The following HECW1 variants were observed in gnomAD, a reference collection of about 807,000 sequenced individuals.
HECW1 encodes the protein HECT, C2 and WW domain containing E3 ubiquitin protein ligase 1, also known as E3 ubiquitin-protein ligase HECW1.
Under a neutral mutation model 182.3 loss-of-function variants are expected in HECW1, and 61 were observed. That is an observed-to-expected ratio of 0.33 (90% CI 0.27 to 0.41). HECW1 has a LOEUF of 0.41. HECW1 is among the 10% of genes least tolerant of loss of function. The probability of loss-of-function intolerance (pLI) is 1.00; values close to 1 mark genes in which losing one functional copy is unlikely to be tolerated. For synonymous variants in HECW1, 859 were observed against 832.6 expected (o/e 1.03, Z -0.55); for missense variants, 1,739 against 2,108.9 (o/e 0.82, Z 3.44).
intron 19 of HECW1, among the ~76,000 whole-genome samples, chr7:43,494,350 C>T (rs1258448772): frequency 6.6e-6 from 1 of 152,104 alleles, no homozygotes; most frequent in Non-Finnish European, 1.5e-5. Context: ...AGGTGCTCAT[C>T]ATCTCTCTTC....
intron 2 of HECW1, among the ~76,000 whole-genome samples, chr7:43,127,206 C>G (rs6959872): frequency 0.011 from 1,717 of 152,246 alleles, 33 homozygotes; most frequent in African/African-American, 0.04. Context: ...AAGTGCTACT[C>G]CAATGAACTC....
intron 2 of HECW1, among the ~76,000 whole-genome samples, chr7:43,188,672 A>G (rs111435232): frequency 0.012 from 1,898 of 152,274 alleles, 34 homozygotes; most frequent in African/African-American, 0.042. Flanking sequence ...GGAGTTCAAT[A>G]AAAATTAAAT....
chr7:43,488,434 G>GAAAGAGAA (rs1554440499), intron 17 of HECW1, among the ~76,000 whole-genome samples: 3 of 93,082 alleles, frequency 3.2e-5, no homozygotes, highest in Non-Finnish European at 6.3e-5. Flanking sequence ...AAGAAAGAAA[G>GAAAGAGAA]AGAAAGAAAG....
intron 16 of HECW1, among the ~76,000 whole-genome samples, chr7:43,472,411 G>A (rs2078058768): frequency 6.6e-6 from 1 of 152,174 alleles, no homozygotes; most frequent in South Asian, 2.1e-4. Flanking sequence ...AGGATTTTAA[G>A]CTTTTTAAGA....
intron 2 of HECW1, among the ~76,000 whole-genome samples, chr7:43,195,206 AG>A (rs1293250824): frequency 3.9e-5 from 6 of 152,206 alleles, no homozygotes; most frequent in African/African-American, 1.4e-4. Flanking sequence ...CCAAGAAAAA[AG>A]AAAGAAGTGT....
intron 2 of HECW1, among the ~76,000 whole-genome samples, chr7:43,143,773 G>A (rs1180239279): frequency 6.6e-6 from 1 of 152,168 alleles, no homozygotes; most frequent in Non-Finnish European, 1.5e-5. Flanking sequence ...ACACTCACTG[G>A]GGAGACTGAG....
intron 5 of HECW1, among the ~76,000 whole-genome samples, chr7:43,357,953 G>T (rs977157522): frequency 3.3e-5 from 5 of 152,180 alleles, no homozygotes; most frequent in Non-Finnish European, 5.9e-5. Context: ...AGTGTTCCAT[G>T]AATTCTTGGC....
intron 3 of HECW1, among the ~76,000 whole-genome samples, chr7:43,302,950 T>TGCGCGTGCACACACAC (rs1584397379): frequency 3.3e-5 from 5 of 151,594 alleles, no homozygotes; most frequent in South Asian, 4.2e-4. Flanking sequence ...CACACACACA[T>TGCGCGTGCACACACAC]GCGCGCACAC....
At chr7:43,311,410 A>G (rs1414971494) in intron 3 of HECW1, among the ~76,000 whole-genome samples, 1 of 152,178 alleles carries the variant, frequency 6.6e-6, no homozygotes, top group Non-Finnish European at 1.5e-5. Flanking sequence ...GACGTTGGAG[A>G]ACTCGAGGGA....
rs145041977 is a variant in HECW1, at chr7:43,480,796, A to G, written c.3234+1052A>G. Among the ~76,000 whole-genome samples the G allele has an allele frequency of 1.7e-3, 265 of 152,178 alleles. 6 individuals are homozygous for G. In the East Asian group the frequency reaches 0.049, roughly 28 times the overall value. On this transcript the variant is annotated intron_variant, in intron 17 of 29. Coordinates refer to ENST00000395891, the MANE Select transcript of HECW1 (RefSeq NM_015052.5). ...AGGGAGAGCCAGGGAGTTTCTCTCC[A>G]GAGAAACTGGGAAGATAACAATTCA... is the stretch of plus-strand genomic sequence containing the variant.
Position 43,501,339 on chromosome 7 carries a change from C to T in HECW1, c.3631+17C>T. The T allele has an allele frequency of 1.4e-6, 2 of 1,416,818 alleles. No homozygotes were observed. The highest frequency in any genetic ancestry group is 1.2e-5 in the South Asian group (1 of 85,768). 87.8% of individuals were successfully genotyped at this position (1,416,818 alleles called of 1,614,324 possible). On this transcript the variant is annotated intron_variant, in intron 21 of 29. Transcript: ENST00000395891. The stretch of plus-strand genomic sequence containing the variant: ...ACTCCCCAGGTAACAGGAATCTGGC[C>T]TAATAGCTCCTGTTAAGTGGCCACG...
intron 3 of HECW1, among the ~76,000 whole-genome samples, chr7:43,273,179 G>A (rs1464998213): frequency 6.6e-6 from 1 of 152,152 alleles, no homozygotes; most frequent in Non-Finnish European, 1.5e-5. Flanking sequence ...GAAGGGGGAT[G>A]GAGGGAGTGG....
In HECW1 at chr7:43,137,447, C is replaced by T. The variant is rs577989013; in HGVS notation, c.-32+23056C>T. Among the ~76,000 whole-genome samples the T allele has an allele frequency of 9.8e-5, 15 of 152,294 alleles. No homozygotes were observed. The South Asian group carries it at 1.2e-3, about 13-fold the overall frequency. ...AAAATGGATACTCATCAGTAGATTC[C>T]GCACATTCCATTCTATATTTATCCT... On this transcript the variant is annotated intron_variant, in intron 2 of 29. Transcript: ENST00000395891.
At chr7:43,231,278 G>A (rs187494502) in intron 2 of HECW1, among the ~76,000 whole-genome samples, 359 of 152,242 alleles carry the variant, frequency 2.4e-3, no homozygotes, top group African/African-American at 8.4e-3. Flanking sequence ...TCCCATCACA[G>A]CCCCTTGAAT....
At chr7:43,219,339 C>T (rs537855624) in intron 2 of HECW1, among the ~76,000 whole-genome samples, 15 of 152,264 alleles carry the variant, frequency 9.9e-5, no homozygotes, top group African/African-American at 2.2e-4. Context: ...GCTTCAAAAA[C>T]GAAAACTTTC....
chr7:43,164,813 A>G (rs1330003383), intron 2 of HECW1, among the ~76,000 whole-genome samples: 1 of 152,232 alleles, frequency 6.6e-6, no homozygotes, highest in Non-Finnish European at 1.5e-5. Context: ...ATTAGAAAGG[A>G]GATGCCGAGC....
intron 2 of HECW1, among the ~76,000 whole-genome samples, chr7:43,116,909 T>C (rs1785098584): frequency 6.6e-6 from 1 of 152,218 alleles, no homozygotes; most frequent in Non-Finnish European, 1.5e-5. Flanking sequence ...TGTTGGTTTA[T>C]TCAGTTGAGC....
At chr7:43,447,034 G>A (rs1383296256) in intron 11 of HECW1, among the ~76,000 whole-genome samples, 1 of 152,180 alleles carries the variant, frequency 6.6e-6, no homozygotes, top group Admixed American at 6.5e-5. Context: ...CCACATAAAA[G>A]GCACACATAG....
At chr7:43,202,055 T>C (rs933297718) in intron 2 of HECW1, among the ~76,000 whole-genome samples, 7 of 152,210 alleles carry the variant, frequency 4.6e-5, no homozygotes, top group African/African-American at 1.7e-4. Context: ...GAACTACTCA[T>C]GATGCTCCAG....
Sources: gnomAD v4.1 joint callset for allele counts (sites outside exome capture counted in the v4.1 genomes callset) on GRCh38, gnomAD v4.1.1 for gene constraint, MANE v1.5 for transcripts, NCBI Gene and HGNC (gene_info 2026-07-23, HGNC 2026-07-21) for gene names.